Variants in KIF13A observed in about 807,000 individuals in gnomAD.
KIF13A encodes kinesin family member 13A.
KIF13A carries 79 observed loss-of-function variants against 212.2 expected under a neutral mutation model. That is an observed-to-expected ratio of 0.37 (90% CI 0.31 to 0.45). KIF13A has a LOEUF of 0.45. Among genes scored for constraint, KIF13A ranks in the 20% least tolerant of loss-of-function variants. The pLI is 1.00. For synonymous variants in KIF13A, 789 were observed against 808.6 expected, an observed-to-expected ratio of 0.98 and a Z score of 0.41; for missense variants, 1,901 against 2,209.0, an observed-to-expected ratio of 0.86 and a Z score of 2.79.
chr6:17,866,965 T>G (rs1352189597), intron 4 of KIF13A, among the ~76,000 whole-genome samples: 4 of 151,414 alleles, frequency 2.6e-5, no homozygotes, highest in African/African-American at 9.7e-5. Flanking sequence ...AAGAAAAATT[T>G]TTCTTAACTG....
At position 17,828,442 on chromosome 6, in the gene KIF13A, T is replaced by A; in HGVS notation, c.1402-72A>T. 2 of 1,347,282 alleles carry A rather than the reference T, an allele frequency of 1.5e-6. No individual in the cohort carries two copies. The highest frequency in any genetic ancestry group is 1.3e-5 in the South Asian group (1 of 76,662). 83.5% of individuals were successfully genotyped at this position (1,347,282 alleles called of 1,614,324 possible). A position where few individuals can be genotyped will look rare whatever the true frequency, so the allele number is the denominator to read the frequency against. ...CTCAGCAAAAATGTATCACAATCAA[T>A]TTGAATAACGCAGCAGCATATGCAC... On this transcript the variant is annotated intron_variant, in intron 13 of 38. Coordinates refer to ENST00000259711, the MANE Select transcript of KIF13A (RefSeq NM_022113.6). The surrounding 1 kb of genome is among the most constrained non-coding windows in gnomAD (Gnocchi z 4.3).
At chr6:17,817,267 G>T (rs1373095161) in intron 16 of KIF13A, 34 bp from the exon 17 acceptor site, 2 of 1,591,450 alleles carry the variant, frequency 1.3e-6, no homozygotes, top group Admixed American at 1.7e-5. Context: ...AGGTGTCTTA[G>T]TGGCGGCTAA....
rs1236745779 is a variant in KIF13A, at chr6:17,872,894, C to T, written c.220+483G>A. ...CAAGTGATCCGCCCACCTCGGCCTC[C>T]CAAAGTGCTGGGATTACAGATGTGA... On this transcript the variant is annotated intron_variant, in intron 4 of 38. Transcript: ENST00000259711. The surrounding 1 kb of genome is among the most constrained non-coding windows in gnomAD (Gnocchi z 4.7). 6.6e-6 allele frequency among the ~76,000 whole-genome samples: 1 copy of T among 152,068 alleles called. No individual in the cohort carries two copies. Among genetic ancestry groups the T allele is most frequent in the Non-Finnish European group, 1.5e-5 (1 of 68,018 alleles).
rs59146978 is a variant in KIF13A, at chr6:17,958,277, T to C, written c.146+28777A>G. On this transcript the variant is annotated intron_variant, in intron 2 of 38. Coordinates refer to ENST00000259711, the MANE Select transcript of KIF13A (RefSeq NM_022113.6). ...AAATCAACCTAAATTCCTCAAAAGA[T>C]ACTGAAGGGGTTTGCAAAAATTCTT... Among the ~76,000 whole-genome samples the C allele has an allele frequency of 7.0e-3, 1,071 of 152,314 alleles. 17 individuals carry two copies. The highest frequency in any genetic ancestry group is 0.025 in the African/African-American group (1,038 of 41,574).
chr6:17,858,254 T>C (rs563197389), intron 4 of KIF13A, among the ~76,000 whole-genome samples: 2 of 152,322 alleles, frequency 1.3e-5, no homozygotes, highest in East Asian at 3.9e-4. Context: ...CATAGATGTT[T>C]GGTAACTTCC....
chr6:17,984,599 TC>T lies in KIF13A; in HGVS notation c.146+2454del. 1.1e-6 allele frequency: 1 copy of T among 907,024 alleles called. No individual in the cohort carries two copies. Among genetic ancestry groups the T allele is most frequent in the Non-Finnish European group, 1.3e-6 (1 of 758,388 alleles). The allele number at this position is 907,024 out of a possible 1,614,324, so 56.2% of individuals were successfully genotyped here. A position where few individuals can be genotyped will look rare whatever the true frequency, so the allele number is the denominator to read the frequency against. On this transcript the variant is annotated intron_variant, in intron 2 of 38. Transcript: ENST00000259711. This position sits in a 1 kb window ranked among gnomAD's most constrained non-coding sequence, Gnocchi z 5.0. The stretch of plus-strand genomic sequence containing the variant: ...TGACCCCATCTGTTTTTTTTTTTTT[TC>T]CCTGGACGTCAATGCATTCTCACTT...
Position 17,779,118 on chromosome 6 carries a change from A to G in KIF13A, c.3940-19T>C. On this transcript the variant is annotated intron_variant, in intron 32 of 38. Coordinates refer to ENST00000259711, the MANE Select transcript of KIF13A (RefSeq NM_022113.6). Reference sequence around the variant, plus strand: ...CAGTTGCCTACGAGGACAGGAAGGAAGTGACAATACTTTGATGTGAACAAC... The same window carrying G: ...CAGTTGCCTACGAGGACAGGAAGGAGGTGACAATACTTTGATGTGAACAAC... 3 of 1,611,736 alleles carry G rather than the reference A, an allele frequency of 1.9e-6. No homozygotes were observed. In the South Asian group the frequency reaches 3.3e-5, roughly 18 times the overall value.
intron 6 of KIF13A, among the ~76,000 whole-genome samples, chr6:17,852,888 C>A (rs1276205759): frequency 6.6e-6 from 1 of 152,124 alleles, no homozygotes; most frequent in Non-Finnish European, 1.5e-5. Flanking sequence ...ATTGGTTCTG[C>A]TAATGAAAAT....
chr6:17,860,041 G>A (rs1413319576), intron 4 of KIF13A, among the ~76,000 whole-genome samples: 3 of 152,064 alleles, frequency 2.0e-5, no homozygotes, highest in Non-Finnish European at 4.4e-5. Flanking sequence ...GGCAGGGTTT[G>A]GGTCAGCTTA....
intron 9 of KIF13A, among the ~76,000 whole-genome samples, chr6:17,842,830 G>C (rs1766652190): frequency 6.7e-6 from 1 of 150,232 alleles, no homozygotes; most frequent in Non-Finnish European, 1.5e-5. Flanking sequence ...AATATAATCA[G>C]TGAGAAAAAA....
In KIF13A at chr6:17,825,127, A is replaced by G. The variant is rs1764853694; in HGVS notation, c.1786+641T>C. Among the ~76,000 whole-genome samples the G allele has an allele frequency of 6.6e-6, 1 of 152,214 alleles. No individual in the cohort carries two copies. The highest frequency in any genetic ancestry group is 2.4e-5 in the African/African-American group (1 of 41,462). ...GGGCAGATTTATAAAACAGCAAAAA[A>G]GGAAAGAATTTGGTGTCTATTTTAT... On this transcript the variant is annotated intron_variant, in intron 16 of 38. Transcript: ENST00000259711. The surrounding 1 kb of genome is among the most constrained non-coding windows in gnomAD (Gnocchi z 4.5).
At chr6:17,810,838 A>T (rs1193646938) in intron 17 of KIF13A, among the ~76,000 whole-genome samples, 1 of 152,126 alleles carries the variant, frequency 6.6e-6, no homozygotes, top group African/African-American at 2.4e-5. Flanking sequence ...ATCTGACAGG[A>T]GGTGGAGCTC....
chr6:17,787,059 G>A lies in KIF13A; in HGVS notation c.3361+717C>T, dbSNP rs949814425. ...GTTGTAGGGGCCACCCTGAACCAGC[G>A]GAGTGCATGGCAATGGCCCAACAGT... On this transcript the variant is annotated intron_variant, in intron 27 of 38. Transcript: ENST00000259711. This position sits in a 1 kb window ranked among gnomAD's most constrained non-coding sequence, Gnocchi z 4.6. 2.6e-5 allele frequency among the ~76,000 whole-genome samples: 4 copies of A among 152,208 alleles called. No individual in the cohort carries two copies. The highest frequency in any genetic ancestry group is 9.7e-5 in the African/African-American group (4 of 41,450).
intron 16 of KIF13A, among the ~76,000 whole-genome samples, chr6:17,820,725 G>T (rs924362588): frequency 6.6e-6 from 1 of 152,150 alleles, no homozygotes; most frequent in Non-Finnish European, 1.5e-5. Flanking sequence ...AAAGGACCAC[G>T]TTTACTTTGG....
At position 17,961,108 on chromosome 6, in the gene KIF13A, C is replaced by G. The variant is rs1037396351; in HGVS notation, c.146+25946G>C. ...TTAAGCCAAGGGTCAGAGAAAGATT[C>G]TTAAAGGAAGACGTATGCTGAAACA... On this transcript the variant is annotated intron_variant, in intron 2 of 38. Transcript: ENST00000259711. This position sits in a 1 kb window ranked among gnomAD's most constrained non-coding sequence, Gnocchi z 4.1. Among the ~76,000 whole-genome samples the G allele has an allele frequency of 6.6e-6, 1 of 152,156 alleles. No homozygotes were observed.
rs372181513 is a variant in KIF13A, at chr6:17,772,081, G to C, written c.4325-22C>G. The C allele has an allele frequency of 1.1e-5, 18 of 1,612,248 alleles. No individual in the cohort carries two copies. The highest frequency in any genetic ancestry group is 1.5e-5 in the Non-Finnish European group (18 of 1,178,654). ...CAACCTAGGGAAGATGAGAAGTTAT[G>C]AGGTTACAGATGCTGAACACTTTAA... On this transcript the variant is annotated intron_variant, in intron 36 of 38. Transcript: ENST00000259711. This position sits in a 1 kb window ranked among gnomAD's most constrained non-coding sequence, Gnocchi z 4.8.
chr6:17,764,804 T>C lies in KIF13A; in HGVS notation c.4724A>G (p.Asp1575Gly). The C allele has an allele frequency of 6.2e-7, 1 of 1,613,372 alleles. No homozygotes were observed. Among genetic ancestry groups the C allele is most frequent in the Non-Finnish European group, 8.5e-7 (1 of 1,179,646 alleles). The part of the protein sequence containing the change: ...ENREWFSSKV[D>G]LSNSRVLEKE... ...CTCCAAGACCCGTGAGTTTGACAGA[T>C]CTACTTTAGAGGAAAACCATTCCCT... The change falls in exon 39 of 39, where the codon GAT becomes GGT. Residue 1575 changes from aspartate (D) to glycine (G), a missense_variant. Around this residue, in one of 5 missense-constraint regions of KIF13A, gnomAD observed 687 missense variants for 759.1 expected, o/e 0.90. Transcript: ENST00000259711. This position sits in a 1 kb window ranked among gnomAD's most constrained non-coding sequence, Gnocchi z 5.1.
intron 3 of KIF13A, among the ~76,000 whole-genome samples, chr6:17,893,965 A>G (rs968144561): frequency 1.2e-4 from 18 of 149,554 alleles, no homozygotes; most frequent in African/African-American, 4.4e-4. Flanking sequence ...TCAGCCTCCC[A>G]AGTAACTGGG....
chr6:17,935,220 C>T (rs983632563), intron 2 of KIF13A, among the ~76,000 whole-genome samples: 1 of 152,128 alleles, frequency 6.6e-6, no homozygotes, highest in Non-Finnish European at 1.5e-5. Context: ...ATGTCACAAT[C>T]AGACTTGGAA....
Sources: gnomAD v4.1 joint callset for allele counts (sites outside exome capture counted in the v4.1 genomes callset) on GRCh38, gnomAD v4.1.1 for gene constraint, gnomAD v4.1.1 regional missense constraint, Gnocchi (gnomAD v3.1) non-coding constraint, MANE v1.5 for transcripts, NCBI Gene and HGNC (gene_info 2026-07-23, HGNC 2026-07-21) for gene names.